The following KIAA0319L variants were observed in gnomAD, a reference collection of about 807,000 sequenced individuals.
KIAA0319L encodes KIAA0319 like, also known as dyslexia-associated protein KIAA0319-like protein.
In KIAA0319L, 55 loss-of-function variants were observed where a neutral mutation model predicts 120.1. The ratio of observed to expected loss-of-function variants is 0.46; its 90% CI spans 0.37 to 0.57. The LOEUF is 0.57. Among genes scored for constraint, KIAA0319L ranks in the 20% least tolerant of loss-of-function variants. KIAA0319L has a pLI of 0.00. For missense variants in KIAA0319L, 1,049 were observed against 1,255.3 expected, an observed-to-expected ratio of 0.84 and a Z score of 2.48; for synonymous variants, 398 against 471.9, an observed-to-expected ratio of 0.84 and a Z score of 2.03.
chr1:35,528,492 T>C (rs1646239138), intron 2 of KIAA0319L, among the ~76,000 whole-genome samples: 1 of 152,238 alleles, frequency 6.6e-6, no homozygotes, highest in East Asian at 1.9e-4. Context: ...AGATACTTGA[T>C]ATGATTTTGA....
chr1:35,492,739 C>T (rs1314832216), intron 3 of KIAA0319L, among the ~76,000 whole-genome samples: 1 of 152,090 alleles, frequency 6.6e-6, no homozygotes, highest in Non-Finnish European at 1.5e-5. Flanking sequence ...TAGAAAAATT[C>T]CCTACAGCTG....
intron 2 of KIAA0319L, among the ~76,000 whole-genome samples, chr1:35,546,797 A>G (rs1005000771): frequency 6.6e-6 from 1 of 152,072 alleles, no homozygotes; most frequent in Non-Finnish European, 1.5e-5. Flanking sequence ...CTTCTCTACT[A>G]TAATAGAAAA....
At chr1:35,521,671 A>T (rs951969537) in intron 2 of KIAA0319L, among the ~76,000 whole-genome samples, 15 of 147,096 alleles carry the variant, frequency 1.0e-4, no homozygotes, top group East Asian at 6.0e-4. Flanking sequence ...AATAAATAAA[A>T]ATAAATAAAT....
chr1:35,505,201 A>G (rs1434274967), intron 3 of KIAA0319L, among the ~76,000 whole-genome samples: 1 of 152,190 alleles, frequency 6.6e-6, no homozygotes, highest in East Asian at 1.9e-4. Context: ...GCCAGAGTAT[A>G]AGCCTTGTTA....
chr1:35,498,442 A>C (rs1768557), intron 3 of KIAA0319L, among the ~76,000 whole-genome samples: 1,913 of 152,286 alleles, frequency 0.013, 48 homozygotes, highest in African/African-American at 0.04. Context: ...GGATAGAAAT[A>C]ATAAAAACTA....
chr1:35,446,901 C>T (rs767540406), intron 16 of KIAA0319L, among the ~76,000 whole-genome samples: 9 of 152,112 alleles, frequency 5.9e-5, no homozygotes, highest in African/African-American at 1.7e-4. Flanking sequence ...GGCTATCTGA[C>T]GGAACATCTC....
intron 2 of KIAA0319L, among the ~76,000 whole-genome samples, chr1:35,525,156 A>T (rs1319243872): frequency 6.6e-6 from 1 of 152,182 alleles, no homozygotes; most frequent in African/African-American, 2.4e-5. Context: ...AGTTCTATCC[A>T]TGTTGCTGTA....
intron 2 of KIAA0319L, among the ~76,000 whole-genome samples, chr1:35,545,344 C>T (rs1646943797): frequency 6.6e-6 from 1 of 152,174 alleles, no homozygotes; most frequent in South Asian, 2.1e-4. Context: ...AAGGACCACA[C>T]TCTAGAGCAA....
chr1:35,448,325 C>A lies in KIAA0319L; in HGVS notation c.2361G>T (p.Arg787Ser). The A allele has an allele frequency of 3.1e-6, 5 of 1,613,622 alleles. No individual in the cohort carries two copies. Among genetic ancestry groups the A allele is most frequent in the Non-Finnish European group, 4.2e-6 (5 of 1,179,726 alleles). The change falls in exon 16 of 21, where the codon AGG becomes AGT. Residue 787 changes from arginine (R) to serine (S), a missense_variant. By Grantham distance (110) the Arg-to-Ser change is moderately radical. Coordinates refer to ENST00000325722, the MANE Select transcript of KIAA0319L (RefSeq NM_024874.5). ...RTTVEVKPDPRKNNLVEIILD... is the reference protein window; with the variant it reads ...RTTVEVKPDPSKNNLVEIILD... ...AGATGATCTCCACCAGGTTGTTTTT[C>A]CTGGGATCTGGAAAGCATGTGGATC...
chr1:35,502,420 T>C (rs1558503455), intron 3 of KIAA0319L, among the ~76,000 whole-genome samples: 1 of 148,928 alleles, frequency 6.7e-6, no homozygotes, highest in Non-Finnish European at 1.5e-5. Flanking sequence ...TTATTGCTGC[T>C]GTCATCATCA....
At chr1:35,553,216 ACCCC>A (rs1647415496) in intron 2 of KIAA0319L, among the ~76,000 whole-genome samples, 1 of 151,984 alleles carries the variant, frequency 6.6e-6, no homozygotes, top group Non-Finnish European at 1.5e-5. Flanking sequence ...GGGTGACAAG[ACCCC>A]ATCTCTTTTT....
chr1:35,542,441 A>G (rs1238015726), intron 2 of KIAA0319L, among the ~76,000 whole-genome samples: 1 of 152,202 alleles, frequency 6.6e-6, no homozygotes, highest in Non-Finnish European at 1.5e-5. Context: ...GTCAAGACCA[A>G]TTCTTACAAC....
At chr1:35,526,426 T>C (rs1159807002) in intron 2 of KIAA0319L, among the ~76,000 whole-genome samples, 1 of 141,006 alleles carries the variant, frequency 7.1e-6, no homozygotes, top group East Asian at 2.0e-4. Context: ...CATACATATA[T>C]ATATGTATAT....
intron 5 of KIAA0319L, 105 bp downstream of exon 5, chr1:35,474,700 A>G: frequency 1.5e-6 from 1 of 646,268 alleles, no homozygotes; most frequent in Non-Finnish European, 2.8e-6. Context: ...CTAAGGTGGG[A>G]GGATCTCCTG....
In KIAA0319L at chr1:35,449,729, G is replaced by A. The variant is rs1185066482; in HGVS notation, c.2353+138C>T. 3.4e-6 allele frequency: 3 copies of A among 881,028 alleles called. No individual in the cohort carries two copies. The East Asian group carries it at 7.8e-5, about 23-fold the overall frequency. 54.6% of individuals were successfully genotyped at this position (881,028 alleles called of 1,614,324 possible). On this transcript the variant is annotated intron_variant, in intron 15 of 20. Coordinates refer to ENST00000325722, the MANE Select transcript of KIAA0319L (RefSeq NM_024874.5). Reference sequence around the variant, plus strand: ...ACAGACGGTCTCTATGGATTTTTCAGCTTGGGGTTTCTCGATTATTTTTAA... The same window carrying A: ...ACAGACGGTCTCTATGGATTTTTCAACTTGGGGTTTCTCGATTATTTTTAA...
rs544093145 is a variant in KIAA0319L, at chr1:35,506,471, A to G, written c.666+141T>C. 29 of 760,428 alleles carry G rather than the reference A, an allele frequency of 3.8e-5. No individual in the cohort carries two copies. The East Asian group carries it at 7.1e-4, about 18-fold the overall frequency. The allele number at this position is 760,428 out of a possible 1,614,324, so 47.1% of individuals were successfully genotyped here. On this transcript the variant is annotated intron_variant, in intron 3 of 20. Coordinates refer to ENST00000325722, the MANE Select transcript of KIAA0319L (RefSeq NM_024874.5). The surrounding 1 kb of genome is among the most constrained non-coding windows in gnomAD (Gnocchi z 4.0). ...CCTTTGTACATCTGGGCAGCACCAAAGAAGCTGACACCAAGCAGCTTTATA... is the reference window on the plus strand; with the variant it reads ...CCTTTGTACATCTGGGCAGCACCAAGGAAGCTGACACCAAGCAGCTTTATA...
Position 35,478,878 on chromosome 1 carries a change from T to A in KIAA0319L, c.913+88A>T, listed in dbSNP as rs549435608. 4.8e-6 allele frequency: 7 copies of A among 1,449,110 alleles called. 1 individual carries two copies. The South Asian group carries it at 8.9e-5, about 18-fold the overall frequency. 89.8% of individuals were successfully genotyped at this position (1,449,110 alleles called of 1,614,324 possible). On this transcript the variant is annotated intron_variant, in intron 4 of 20. Coordinates refer to ENST00000325722, the MANE Select transcript of KIAA0319L (RefSeq NM_024874.5). ...TCTCTAACACACAGTATTCAAGTTA[T>A]GCCTCCCTTCCTTCTTTCCTCTAAA...
intron 2 of KIAA0319L, among the ~76,000 whole-genome samples, chr1:35,536,772 T>C (rs1473099130): frequency 6.6e-6 from 1 of 151,996 alleles, no homozygotes; most frequent in East Asian, 1.9e-4. Flanking sequence ...TAGCTGAAAA[T>C]AGCTCTCCTA....
At chr1:35,488,133 A>G (rs1272336969) in intron 3 of KIAA0319L, among the ~76,000 whole-genome samples, 1 of 152,158 alleles carries the variant, frequency 6.6e-6, no homozygotes, top group Non-Finnish European at 1.5e-5. Context: ...CAAATTCACA[A>G]TTCTTTTCAC....
Sources: allele counts gnomAD v4.1 joint callset (sites outside exome capture counted in the v4.1 genomes callset), GRCh38; gene constraint gnomAD v4.1.1; non-coding constraint Gnocchi (gnomAD v3.1); transcripts MANE v1.5; gene names NCBI Gene and HGNC (gene_info 2026-07-23, HGNC 2026-07-21).